The following CD180 variants were observed in gnomAD, a reference collection of about 807,000 sequenced individuals.
CD180 encodes CD180 antigen.
CD180 carries 11 observed loss-of-function variants against 10.7 expected under a neutral mutation model. The observed-to-expected ratio is 1.03, with a 90% CI of 0.65 to 1.70. The LOEUF is 1.70. Ranked by LOEUF, CD180 falls within the 40% of genes most tolerant of loss-of-function variation. The pLI is 0.00. For missense variants in CD180, 729 were observed against 775.2 expected (o/e 0.94, Z 0.71); for synonymous variants, 286 against 294.6 (o/e 0.97, Z 0.30).
Position 67,196,757 on chromosome 5 carries a change from G to A in CD180, c.-116C>T, listed in dbSNP as rs1020398982. On this transcript the variant is annotated 5_prime_UTR_variant, in exon 1 of 3. Coordinates refer to ENST00000256447, the MANE Select transcript of CD180 (RefSeq NM_005582.3). Reference sequence around the variant, plus strand: ...AGAGGTACTCAGAAGGGTGATCTTGGAACAAGAAATGCTGTTGACTGCTCA... The same window carrying A: ...AGAGGTACTCAGAAGGGTGATCTTGAAACAAGAAATGCTGTTGACTGCTCA... The A allele has an allele frequency of 7.4e-6, 9 of 1,209,872 alleles. No homozygotes were observed. Among genetic ancestry groups the A allele is most frequent in the Non-Finnish European group, 1.0e-5 (9 of 883,134 alleles). 74.9% of individuals were successfully genotyped at this position (1,209,872 alleles called of 1,614,324 possible).
In CD180 at chr5:67,184,228, G is replaced by A; in HGVS notation, c.615C>T (p.Asn205=). The A allele has an allele frequency of 6.2e-7, 1 of 1,614,120 alleles. No individual in the cohort carries two copies. Among genetic ancestry groups the A allele is most frequent in the Non-Finnish European group, 8.5e-7 (1 of 1,180,024 alleles). The stretch of plus-strand genomic sequence containing the variant: ...TACCTTTAACATTATTGCCATTGAA[G>A]TTCAGGCTTAGGTTGATGGCCTGCT... The part of the protein sequence containing the change: ...SLEQAINLSL[N]FNGNNVKGIE... The change falls in exon 3 of 3, where the codon AAC becomes AAT. Residue 205 remains asparagine, a synonymous_variant. Coordinates refer to ENST00000256447, the MANE Select transcript of CD180 (RefSeq NM_005582.3).
At chr5:67,188,031 G>A (rs181496787) in intron 1 of CD180, among the ~76,000 whole-genome samples, 5 of 152,166 alleles carry the variant, frequency 3.3e-5, no homozygotes, top group South Asian at 2.1e-4. Context: ...TTAGCTGGGC[G>A]TGGTTGCGCA....
At chr5:67,188,409 C>T (rs1169727779) in intron 1 of CD180, among the ~76,000 whole-genome samples, 1 of 152,180 alleles carries the variant, frequency 6.6e-6, no homozygotes, top group African/African-American at 2.4e-5. Flanking sequence ...CTTGGAAGCA[C>T]AAGAACAAGG....
At position 67,182,789 on chromosome 5, in the gene CD180, T is replaced by C. The variant is rs943191205; in HGVS notation, c.*68A>G. ...AAAGTCTGGTCTGGTCACCAGCAGA[T>C]GACAGTTCTTTCACTTAGAGCAATT... is the stretch of plus-strand genomic sequence containing the variant. On this transcript the variant is annotated 3_prime_UTR_variant, in exon 3 of 3. Coordinates refer to ENST00000256447, the MANE Select transcript of CD180 (RefSeq NM_005582.3). 15 of 1,332,574 alleles carry C rather than the reference T, an allele frequency of 1.1e-5. No homozygotes were observed. The highest frequency in any genetic ancestry group is 1.5e-5 in the Non-Finnish European group (15 of 970,202). 82.5% of individuals were successfully genotyped at this position (1,332,574 alleles called of 1,614,324 possible).
Position 67,196,598 on chromosome 5 carries a change from G to GAAAAC in CD180, c.39_43dup (p.Ser15CysfsTer30). 6.2e-7 allele frequency: 1 copy of GAAAAC among 1,614,010 alleles called. No homozygotes were observed. The highest frequency in any genetic ancestry group is 8.5e-7 in the Non-Finnish European group (1 of 1,179,976). ...GGAGGTGATGACTTTACAGCCGGCA[G>GAAAAC]AAAACAGCACCACCCAAAAGAAGCA... On this transcript the variant is annotated frameshift_variant, in exon 1 of 3. Transcript: ENST00000256447. LOFTEE classifies it high-confidence loss of function.
intron 1 of CD180, among the ~76,000 whole-genome samples, chr5:67,189,477 A>C (rs973256001): frequency 6.6e-6 from 1 of 152,210 alleles, no homozygotes; most frequent in Non-Finnish European, 1.5e-5. Flanking sequence ...ATAATATTGA[A>C]TCATCTCTGG....
rs1215586466 is a variant in CD180 at position 67,179,740 on chromosome 5, CTG to C, written c.*3115_*3116del. 2.6e-5 allele frequency: 4 copies of C among 152,214 alleles called. No individual in the cohort carries two copies. 9.4% of individuals were successfully genotyped at this position (152,214 alleles called of 1,614,324 possible). On this transcript the variant is annotated 3_prime_UTR_variant, in exon 3 of 3. Coordinates refer to ENST00000256447, the MANE Select transcript of CD180 (RefSeq NM_005582.3). ...ATATTGCCTGTGTTCAAGGGCTGTG[CTG>C]TACTAAGCAGTGGCTGCTGGCACAG... is the stretch of plus-strand genomic sequence containing the variant.
chr5:67,193,055 A>G (rs1374647948), intron 1 of CD180, among the ~76,000 whole-genome samples: 4 of 152,130 alleles, frequency 2.6e-5, no homozygotes, highest in Non-Finnish European at 4.4e-5. Context: ...ATTTCTCTCT[A>G]TGGAGGCCAA....
chr5:67,196,421 TTA>T, intron 1 of CD180, 129 bp downstream of exon 1: 1 of 758,532 alleles, frequency 1.3e-6, no homozygotes, highest in Non-Finnish European at 2.1e-6. Flanking sequence ...AATGAAAAAA[TTA>T]TATATACACC....
rs779711805 is a variant in CD180, at chr5:67,185,893, G to A, written c.215C>T (p.Thr72Ile). The A allele has an allele frequency of 1.9e-6, 3 of 1,609,694 alleles. No individual in the cohort carries two copies. The South Asian group carries it at 3.3e-5, about 18-fold the overall frequency. Reference sequence around the variant, plus strand: ...GGTAAGATTCATGAGTCTGCTGAAGGTTCTATTGTGAATTGTAGGCAAAAA... The same window carrying A: ...GGTAAGATTCATGAGTCTGCTGAAGATTCTATTGTGAATTGTAGGCAAAAA... Reference protein sequence around the residue: ...FNFLPTIHNRTFSRLMNLTFL... With the variant: ...FNFLPTIHNRIFSRLMNLTFL... Residue 72 changes from threonine to isoleucine, a missense_variant, in exon 2 of 3, where the codon ACC becomes ATC. Transcript: ENST00000256447.
At chr5:67,196,483 G>A (rs1742406072) in intron 1 of CD180, 69 bp downstream of exon 1, 2 of 1,455,152 alleles carry the variant, frequency 1.4e-6, no homozygotes, top group Non-Finnish European at 1.9e-6. Context: ...GGCTCAGATT[G>A]GACTGCGTGC....
intron 1 of CD180, among the ~76,000 whole-genome samples, chr5:67,194,534 T>C (rs986754703): frequency 1.3e-5 from 2 of 152,222 alleles, no homozygotes; most frequent in African/African-American, 4.8e-5. Context: ...CATTCCCGTG[T>C]ACCCTGCCCA....
chr5:67,196,399 C>T (rs1461730077), intron 1 of CD180, among the ~76,000 whole-genome samples, 153 bp downstream of exon 1: 1 of 152,142 alleles, frequency 6.6e-6, no homozygotes, highest in African/African-American at 2.4e-5. Flanking sequence ...TCTTTGGCTC[C>T]TTTCTCACAA....
chr5:67,190,272 A>T (rs1316752378), intron 1 of CD180, among the ~76,000 whole-genome samples: 1 of 152,206 alleles, frequency 6.6e-6, no homozygotes, highest in Non-Finnish European at 1.5e-5. Context: ...ATTTTTGAGC[A>T]TGAGTTCTGA....
intron 1 of CD180, among the ~76,000 whole-genome samples, chr5:67,192,932 A>G (rs1742336154): frequency 1.3e-5 from 2 of 152,310 alleles, no homozygotes; most frequent in South Asian, 4.1e-4. Flanking sequence ...CCAACCAATC[A>G]GGGCTCAGCT....
intron 1 of CD180, among the ~76,000 whole-genome samples, chr5:67,195,539 C>A (rs943461666): frequency 3.9e-5 from 6 of 152,230 alleles, no homozygotes; most frequent in African/African-American, 1.4e-4. Flanking sequence ...TTTGTTATGA[C>A]AGCCCAAGCA....
rs1282370514 is a variant in CD180, at chr5:67,196,577, G to A, written c.65C>T (p.Thr22Ile). ...CTCAATGCACATCTGATCCCAGGAG[G>A]TGATGACTTTACAGCCGGCAGAAAA... Reference protein sequence around the residue: ...VLFSAGCKVITSWDQMCIEKE... With the variant: ...VLFSAGCKVIISWDQMCIEKE... The change falls in exon 1 of 3, where the codon ACC becomes ATC. Residue 22 changes from threonine (T) to isoleucine (I), a missense_variant. Physicochemically the swap from Thr to Ile is moderately conservative, Grantham distance 89. Coordinates refer to ENST00000256447, the MANE Select transcript of CD180 (RefSeq NM_005582.3). The A allele has an allele frequency of 6.2e-7, 1 of 1,613,910 alleles. No homozygotes were observed. Among genetic ancestry groups the A allele is most frequent in the African/African-American group, 1.3e-5 (1 of 74,876 alleles).
intron 2 of CD180, 97 bp downstream of exon 2, chr5:67,185,754 C>T (rs946679017): frequency 2.4e-6 from 2 of 841,976 alleles, no homozygotes; most frequent in Non-Finnish European, 3.5e-6. Flanking sequence ...GCAGATTGTC[C>T]CTGGGCCCCC....
chr5:67,184,751 C>A (rs945597923), intron 2 of CD180, among the ~76,000 whole-genome samples, 166 bp from the exon 3 acceptor site: 1 of 152,130 alleles, frequency 6.6e-6, no homozygotes, highest in African/African-American at 2.4e-5. Flanking sequence ...TGAGTAGCCT[C>A]ACTTCTGAAC....
Sources: allele counts gnomAD v4.1 joint callset (sites outside exome capture counted in the v4.1 genomes callset), GRCh38; gene constraint gnomAD v4.1.1; transcripts MANE v1.5; gene names NCBI Gene and HGNC (gene_info 2026-07-23, HGNC 2026-07-21).